ATAD1: variants seen among roughly 807,000 people sequenced by gnomAD.
ATAD1 encodes ATPase family AAA domain containing 1.
Under a neutral mutation model 42.7 loss-of-function variants are expected in ATAD1, and 18 were observed. The observed-to-expected ratio is 0.42, with a 90% confidence interval of 0.29 to 0.63. The LOEUF is 0.63. Among genes scored for constraint, ATAD1 ranks in the 20% least tolerant of loss-of-function variants. The pLI is 0.19. For synonymous variants in ATAD1, 132 were observed against 143.1 expected (o/e 0.92, Z 0.55); for missense variants, 294 against 440.4 (o/e 0.67, Z 2.98).
intron 2 of ATAD1, among the ~76,000 whole-genome samples, chr10:87,806,817 T>C (rs1356252756): frequency 2.7e-4 from 41 of 152,062 alleles, no homozygotes; most frequent in Admixed American, 2.5e-3. Context: ...TTCACAAAGG[T>C]CTCCCTCCTC....
chr10:87,825,012 T>C (rs1005646531), intron 1 of ATAD1, among the ~76,000 whole-genome samples: 1 of 152,252 alleles, frequency 6.6e-6, no homozygotes, highest in African/African-American at 2.4e-5. Flanking sequence ...TTGGCTGTTA[T>C]TCCCATCTGT....
chr10:87,804,532 C>T (rs988963617), intron 2 of ATAD1, among the ~76,000 whole-genome samples: 1 of 151,916 alleles, frequency 6.6e-6, no homozygotes, highest in African/African-American at 2.4e-5. Context: ...ACCATGTCCA[C>T]CTAATTTTTG....
intron 5 of ATAD1, among the ~76,000 whole-genome samples, 162 bp from the exon 6 acceptor site, chr10:87,776,589 C>T (rs1358684319): frequency 2.6e-5 from 4 of 152,188 alleles, no homozygotes; most frequent in Non-Finnish European, 4.4e-5. Flanking sequence ...CTGCCTCAGC[C>T]TCTCGAGTAG....
At chr10:87,832,563 C>A (rs902845551) in intron 1 of ATAD1, among the ~76,000 whole-genome samples, 3 of 151,324 alleles carry the variant, frequency 2.0e-5, no homozygotes, top group Non-Finnish European at 2.9e-5. Flanking sequence ...GATTCTTCAA[C>A]CTTATTTTTC....
At chr10:87,819,085 AGGCAGC>A (rs1407240672), upstream of ATAD1, 1 of 152,072 alleles carries the variant, frequency 6.6e-6, no homozygotes, top group Non-Finnish European at 1.5e-5. Context: ...TTCCTCAGGA[AGGCAGC>A]TTGTGCCTTT....
At chr10:87,771,515 G>GT (rs1334224986) in intron 6 of ATAD1, among the ~76,000 whole-genome samples, 1 of 151,962 alleles carries the variant, frequency 6.6e-6, no homozygotes, top group Non-Finnish European at 1.5e-5. Context: ...GAAGATTCTG[G>GT]TAACTGTAAT....
chr10:87,767,764 AT>A (rs771527694), intron 7 of ATAD1, 41 bp from the exon 8 acceptor site: 3 of 1,557,794 alleles, frequency 1.9e-6, no homozygotes, highest in East Asian at 2.3e-5. Flanking sequence ...TTTATTTTTT[AT>A]TTTTTTAAAA....
intron 2 of ATAD1, among the ~76,000 whole-genome samples, chr10:87,803,249 A>G (rs1589539000): frequency 6.6e-6 from 1 of 152,200 alleles, no homozygotes; most frequent in Non-Finnish European, 1.5e-5. Flanking sequence ...CAAGGAATAA[A>G]CCATCCTAGC....
intron 8 of ATAD1, among the ~76,000 whole-genome samples, chr10:87,764,831 T>C (rs1854658444): frequency 6.6e-6 from 1 of 152,042 alleles, no homozygotes; most frequent in African/African-American, 2.4e-5. Flanking sequence ...AGGTTGGGTG[T>C]GTGGGGGGGA....
chr10:87,797,680 G>T (rs539618086), intron 2 of ATAD1, among the ~76,000 whole-genome samples: 2 of 152,290 alleles, frequency 1.3e-5, no homozygotes, highest in Non-Finnish European at 2.9e-5. Flanking sequence ...TTTGACCTTG[G>T]TGTGTGTAAT....
upstream of ATAD1, among the ~76,000 whole-genome samples, chr10:87,819,563 A>G (rs182832563): frequency 6.6e-6 from 1 of 152,314 alleles, no homozygotes; most frequent in Admixed American, 6.5e-5. Context: ...ATAAGCTTCT[A>G]TGTGCTTTAC....
chr10:87,754,782 C>A lies in ATAD1; in HGVS notation c.991G>T (p.Val331Phe), dbSNP rs776966858. ...GCCCGATGCAGGTCCTGCTGTTGAA[C>A]AGGCCGAATTTCATCTTCGTCATGG... ...ESHDEDEIRP[V>F]QQQDLHRAIE... The change falls in exon 10 of 10, where the codon GTT becomes TTT. Residue 331 changes from valine (V) to phenylalanine (F), a missense_variant. Physicochemically the swap from Val to Phe is conservative, Grantham distance 50. Coordinates refer to ENST00000680024, the MANE Select transcript of ATAD1 (RefSeq NM_001321967.2). The A allele has an allele frequency of 6.2e-7, 1 of 1,613,516 alleles. No homozygotes were observed. Among genetic ancestry groups the A allele is most frequent in the South Asian group, 1.1e-5 (1 of 91,040 alleles).
rs57449780 is a variant in ATAD1, at chr10:87,767,785, A to G, written c.781-62T>C. 2.8e-3 allele frequency: 4,195 copies of G among 1,473,892 alleles called. 99 individuals are homozygous for G. In the African/African-American group the frequency reaches 0.051, roughly 18 times the overall value. The allele number at this position is 1,473,892 out of a possible 1,614,324, so 91.3% of individuals were successfully genotyped here. ...TTTTATTTTTTTAAAAAGATCAAGTAGTGTTCCTAATATTTTGTCCCTTCT... is the reference window on the plus strand; with the variant it reads ...TTTTATTTTTTTAAAAAGATCAAGTGGTGTTCCTAATATTTTGTCCCTTCT... On this transcript the variant is annotated intron_variant, in intron 7 of 9. Coordinates refer to ENST00000680024, the MANE Select transcript of ATAD1 (RefSeq NM_001321967.2).
chr10:87,802,679 T>A (rs1856758139), intron 2 of ATAD1, among the ~76,000 whole-genome samples: 1 of 151,536 alleles, frequency 6.6e-6, no homozygotes, highest in African/African-American at 2.4e-5. Context: ...AAATAATTAT[T>A]CTTGCTGCAC....
chr10:87,761,323 T>C (rs1242332625), intron 8 of ATAD1, among the ~76,000 whole-genome samples: 1 of 152,200 alleles, frequency 6.6e-6, no homozygotes, highest in Non-Finnish European at 1.5e-5. Flanking sequence ...TAAAACTGAT[T>C]AGAGACTATA....
chr10:87,796,583 T>A (rs1445424887), intron 2 of ATAD1, among the ~76,000 whole-genome samples: 1 of 152,132 alleles, frequency 6.6e-6, no homozygotes, highest in African/African-American at 2.4e-5. Flanking sequence ...TCTGACCACT[T>A]TGGGCACATG....
At chr10:87,830,431 C>A (rs1857807707) in intron 1 of ATAD1, among the ~76,000 whole-genome samples, 1 of 152,162 alleles carries the variant, frequency 6.6e-6, no homozygotes, top group Non-Finnish European at 1.5e-5. Flanking sequence ...ATGTAATCAT[C>A]CCCACTCTCA....
At chr10:87,789,101 A>G (rs1340473648) in intron 4 of ATAD1, among the ~76,000 whole-genome samples, 1 of 152,230 alleles carries the variant, frequency 6.6e-6, no homozygotes, top group African/African-American at 2.4e-5. Flanking sequence ...TACCTTTGAT[A>G]TGTAAATTAA....
intron 1 of ATAD1, among the ~76,000 whole-genome samples, chr10:87,838,113 T>G (rs1214450584): frequency 6.6e-6 from 1 of 152,208 alleles, no homozygotes; most frequent in Non-Finnish European, 1.5e-5. Flanking sequence ...TCACTGCTTG[T>G]TCAGTAGTAC....
Sources: allele counts gnomAD v4.1 joint callset (sites outside exome capture counted in the v4.1 genomes callset), GRCh38; gene constraint gnomAD v4.1.1; transcripts MANE v1.5; gene names NCBI Gene and HGNC (gene_info 2026-07-23, HGNC 2026-07-21).